The following EVI5 variants were observed in gnomAD, a reference collection of about 807,000 sequenced individuals.
EVI5 encodes the protein ecotropic viral integration site 5 protein homolog.
Under a neutral mutation model 112.0 loss-of-function variants are expected in EVI5, and 73 were observed. That is an observed-to-expected ratio of 0.65 (90% CI 0.54 to 0.79). The LOEUF (loss-of-function observed/expected upper bound fraction) is 0.79. Ranked by LOEUF, EVI5 falls within the 30% of genes least tolerant of loss-of-function variation. The pLI is 0.00. For synonymous variants in EVI5, 305 were observed against 319.9 expected (o/e 0.95, Z 0.50); for missense variants, 900 against 968.8 (o/e 0.93, Z 0.94).
intron 2 of EVI5, among the ~76,000 whole-genome samples, chr1:92,735,647 TA>T (rs1186040625): frequency 3.7e-3 from 8 of 2,140 alleles, no homozygotes; most frequent in African/African-American, 4.7e-3. Context: ...GTCATATATA[TA>T]TATAATTATA....
chr1:92,710,783 C>T (rs1672732424), intron 2 of EVI5, among the ~76,000 whole-genome samples: 1 of 152,040 alleles, frequency 6.6e-6, no homozygotes, highest in African/African-American at 2.4e-5. Flanking sequence ...ACCAACTGGA[C>T]TCCAAACAGT....
At chr1:92,692,180 A>C (rs1392380602) in intron 9 of EVI5, among the ~76,000 whole-genome samples, 1 of 152,228 alleles carries the variant, frequency 6.6e-6, no homozygotes, top group Non-Finnish European at 1.5e-5. Context: ...AAAGAAATAG[A>C]GGGCCAGAAA....
chr1:92,786,141 G>A (rs1005005517), upstream of EVI5, among the ~76,000 whole-genome samples: 3 of 150,152 alleles, frequency 2.0e-5, no homozygotes, highest in African/African-American at 7.4e-5. Context: ...AAGAAACTCC[G>A]GAATTATTTG....
chr1:92,715,574 A>G (rs142451701), intron 2 of EVI5, among the ~76,000 whole-genome samples: 3,084 of 152,200 alleles, frequency 0.02, 58 homozygotes, highest in Non-Finnish European at 0.03. Context: ...CTGCATTTCC[A>G]ACTGAGGTAC....
chr1:92,600,839 G>C (rs1001443765), intron 18 of EVI5, among the ~76,000 whole-genome samples: 4 of 152,196 alleles, frequency 2.6e-5, no homozygotes, highest in African/African-American at 9.7e-5. Context: ...TGGCCTGGGG[G>C]TTGGGAAACC....
At chr1:92,670,097 A>G (rs1182907772) in intron 10 of EVI5, among the ~76,000 whole-genome samples, 2 of 152,200 alleles carry the variant, frequency 1.3e-5, no homozygotes, top group Non-Finnish European at 2.9e-5. Flanking sequence ...TTTACGTATT[A>G]TACATCAAAA....
At chr1:92,520,943 C>T (rs1022518157) in intron 19 of EVI5, among the ~76,000 whole-genome samples, 4 of 149,294 alleles carry the variant, frequency 2.7e-5, no homozygotes, top group East Asian at 1.9e-4. Flanking sequence ...GCAAAAAGCA[C>T]GTATGAGATT....
intron 2 of EVI5, among the ~76,000 whole-genome samples, chr1:92,718,857 G>C (rs1005261204): frequency 2.0e-5 from 3 of 151,884 alleles, no homozygotes; most frequent in African/African-American, 4.8e-5. Flanking sequence ...AAAATTATAA[G>C]AGGGATATCA....
At chr1:92,666,210 G>A (rs769969089) in intron 10 of EVI5, among the ~76,000 whole-genome samples, 23 of 151,904 alleles carry the variant, frequency 1.5e-4, no homozygotes, top group Non-Finnish European at 2.6e-4. Flanking sequence ...GGCCAAGGCC[G>A]GCAGATGGCT....
chr1:92,550,565 G>A (rs942423662), intron 19 of EVI5, among the ~76,000 whole-genome samples: 1 of 148,644 alleles, frequency 6.7e-6, no homozygotes, highest in African/African-American at 2.5e-5. Flanking sequence ...GGCTAACACA[G>A]TGAAACCCCG....
At chr1:92,537,866 AG>A (rs1242948539) in intron 19 of EVI5, among the ~76,000 whole-genome samples, 1 of 152,008 alleles carries the variant, frequency 6.6e-6, no homozygotes, top group Non-Finnish European at 1.5e-5. Context: ...TTTGGTTTTA[AG>A]CTAAGTAAAT....
intron 13 of EVI5, among the ~76,000 whole-genome samples, chr1:92,655,840 G>C (rs1662905350): frequency 6.6e-6 from 1 of 152,058 alleles, no homozygotes; most frequent in African/African-American, 2.4e-5. Context: ...AACTACTACT[G>C]GGGCACATGT....
intron 19 of EVI5, among the ~76,000 whole-genome samples, chr1:92,524,826 T>TA (rs1661572800): frequency 1.3e-5 from 2 of 149,136 alleles, no homozygotes; most frequent in Admixed American, 1.4e-4. Flanking sequence ...ATAGATTAAC[T>TA]ACTTTTTTTT....
At chr1:92,646,718 T>A (rs548381229) in intron 13 of EVI5, among the ~76,000 whole-genome samples, 15 of 152,342 alleles carry the variant, frequency 9.8e-5, no homozygotes, top group Admixed American at 9.1e-4. Context: ...TTTTAAAATG[T>A]CAGAAATATC....
chr1:92,684,839 C>A (rs1160842934), intron 9 of EVI5, among the ~76,000 whole-genome samples: 2 of 152,062 alleles, frequency 1.3e-5, no homozygotes, highest in African/African-American at 4.8e-5. Flanking sequence ...GGGATCAATT[C>A]AACAAGAAGA....
Position 92,566,058 on chromosome 1 carries a change from A to C in EVI5, c.2071-2321T>G, listed in dbSNP as rs184109542. Among the ~76,000 whole-genome samples the C allele has an allele frequency of 5.8e-3, 869 of 150,266 alleles. 6 individuals are homozygous for C. The highest frequency in any genetic ancestry group is 9.5e-3 in the Non-Finnish European group (646 of 67,770). On this transcript the variant is annotated intron_variant, in intron 18 of 19. Transcript: ENST00000684568. Reference sequence around the variant, plus strand: ...CTGTTCTGTGTTAACTGTCCTCCCTACCCAAATTGTATCTCTAACTACCCT... The same window carrying C: ...CTGTTCTGTGTTAACTGTCCTCCCTCCCCAAATTGTATCTCTAACTACCCT...
At position 92,509,091 on chromosome 1, in the gene EVI5, A is replaced by T. The variant is rs538836826; in HGVS notation, c.*4565T>A. ...GTTCGCTGTCAATGTCTGGTATGTT[A>T]ATATACATTAATCAAGCTGGTCATG... On this transcript the variant is annotated 3_prime_UTR_variant, in exon 20 of 20. Transcript: ENST00000684568. 2.6e-5 allele frequency: 4 copies of T among 152,424 alleles called. No homozygotes were observed. The highest frequency in any genetic ancestry group is 7.2e-5 in the African/African-American group (3 of 41,580). The allele number at this position is 152,424 out of a possible 1,614,324, so 9.4% of individuals were successfully genotyped here.
At chr1:92,721,867 G>A (rs6604010) in intron 2 of EVI5, among the ~76,000 whole-genome samples, 136,984 of 152,162 alleles carry the variant, frequency 0.9, 61,775 homozygotes, top group East Asian at 0.97. Context: ...GATCACAACC[G>A]TAAAAATAAA....
Position 92,523,213 on chromosome 1 carries a change from T to C in EVI5, c.2167-9243A>G, listed in dbSNP as rs74591572. Among the ~76,000 whole-genome samples the C allele has an allele frequency of 4.8e-4, 73 of 152,220 alleles. No homozygotes were observed. In the East Asian group the frequency reaches 0.014, roughly 29 times the overall value. ...GCCTTTAACTTTTTATTATGGAATATTTTTTTAAAAATACAGTGAATAATT... is the reference window on the plus strand; with the variant it reads ...GCCTTTAACTTTTTATTATGGAATACTTTTTTAAAAATACAGTGAATAATT... On this transcript the variant is annotated intron_variant, in intron 19 of 19. Coordinates refer to ENST00000684568, the MANE Select transcript of EVI5 (RefSeq NM_001350197.2).
Sources: allele counts gnomAD v4.1 joint callset (sites outside exome capture counted in the v4.1 genomes callset), GRCh38; gene constraint gnomAD v4.1.1; transcripts MANE v1.5; gene names NCBI Gene and HGNC (gene_info 2026-07-23, HGNC 2026-07-21).